The following UBE2D2 variants were observed in gnomAD, a reference collection of about 807,000 sequenced individuals.
UBE2D2 encodes the protein ubiquitin-conjugating enzyme E2 D2.
In UBE2D2, 2 loss-of-function variants were observed where a neutral mutation model predicts 24.2. The observed-to-expected ratio is 0.08, with a 90% CI of 0.03 to 0.26. UBE2D2 has a LOEUF of 0.26. Among genes scored for constraint, UBE2D2 ranks in the 10% least tolerant of loss-of-function variants. The pLI is 1.00. For synonymous variants in UBE2D2, 58 were observed against 56.5 expected (o/e 1.03, Z -0.12); for missense variants, 44 against 177.6 (o/e 0.25, Z 4.28).
intron 2 of UBE2D2, chr5:139,611,997 CA>C (rs1413605147): frequency 6.7e-6 from 1 of 150,238 alleles, no homozygotes; most frequent in Non-Finnish European, 1.5e-5. Flanking sequence ...AAATGTTTCC[CA>C]ATCTTAAGCA....
intron 2 of UBE2D2, among the ~76,000 whole-genome samples, chr5:139,604,675 A>C (rs1754158254): frequency 6.6e-6 from 1 of 152,042 alleles, no homozygotes; most frequent in South Asian, 2.1e-4. Flanking sequence ...ACTTGAGGCC[A>C]GGAGTTTTAT....
chr5:139,612,495 A>G (rs1018801477), intron 2 of UBE2D2: 2 of 152,226 alleles, frequency 1.3e-5, no homozygotes, highest in African/African-American at 2.4e-5. Context: ...GAACACTTAA[A>G]AGCAGTGCTT....
intron 1 of UBE2D2, among the ~76,000 whole-genome samples, chr5:139,580,002 T>C (rs71579519): frequency 6.6e-6 from 1 of 150,850 alleles, no homozygotes; most frequent in African/African-American, 2.4e-5. Context: ...GCTGAGATCA[T>C]GCCGTTGCAC....
At chr5:139,567,762 G>A (rs963857362) in intron 1 of UBE2D2, among the ~76,000 whole-genome samples, 2 of 151,630 alleles carry the variant, frequency 1.3e-5, no homozygotes, top group African/African-American at 2.4e-5. Context: ...TCAAACTCCT[G>A]ACCTCCAGTG....
chr5:139,535,275 T>C (rs1250373024), intron 1 of UBE2D2, among the ~76,000 whole-genome samples: 1 of 141,940 alleles, frequency 7.0e-6, no homozygotes, highest in African/African-American at 2.6e-5. Flanking sequence ...TGAAATCCCG[T>C]CTCTACTAAA....
intron 1 of UBE2D2, among the ~76,000 whole-genome samples, chr5:139,548,170 A>AAAAAAAAAG (rs1752857873): frequency 8.1e-6 from 1 of 123,064 alleles, no homozygotes; most frequent in Non-Finnish European, 1.8e-5. Flanking sequence ...TCTCAAAAAA[A>AAAAAAAAAG]AAAAAAAAAA....
intron 1 of UBE2D2, among the ~76,000 whole-genome samples, chr5:139,548,193 A>T (rs200338652): frequency 0.012 from 563 of 46,670 alleles, 23 homozygotes; most frequent in East Asian, 0.051. Flanking sequence ...ATAAAAAAAA[A>T]AAATAAATAA....
chr5:139,625,072 T>G (rs79655811), intron 6 of UBE2D2, among the ~76,000 whole-genome samples: 1 of 150,766 alleles, frequency 6.6e-6, no homozygotes, highest in Non-Finnish European at 1.5e-5. Context: ...CTTTTTTTTT[T>G]GCAGAGACAG....
intron 2 of UBE2D2, 64 bp downstream of exon 2, chr5:139,600,499 A>G: frequency 6.5e-7 from 1 of 1,546,336 alleles, no homozygotes; most frequent in Non-Finnish European, 8.9e-7. Context: ...TGAAGAAACA[A>G]TTATGGTATA....
At chr5:139,546,817 TCTTCCTTC>T (rs59929319) in intron 1 of UBE2D2, among the ~76,000 whole-genome samples, 51,213 of 137,824 alleles carry the variant, frequency 0.37, 9,909 homozygotes, top group East Asian at 0.45. Context: ...CTTCTTTCTT[TCTTCCTTC>T]CTTCCTTCCT....
upstream of UBE2D2, among the ~76,000 whole-genome samples, chr5:139,560,511 T>C (rs1753051764): frequency 6.6e-6 from 1 of 152,020 alleles, no homozygotes; most frequent in South Asian, 2.1e-4. Context: ...TTTGTATTTT[T>C]AGTAGAGATG....
At chr5:139,553,046 T>G (rs1199802781) in intron 1 of UBE2D2, among the ~76,000 whole-genome samples, 1 of 151,634 alleles carries the variant, frequency 6.6e-6, no homozygotes, top group Non-Finnish European at 1.5e-5. Flanking sequence ...CCAGAACTCC[T>G]GACCTCAGGT....
At chr5:139,568,697 G>T (rs891182732) in intron 1 of UBE2D2, among the ~76,000 whole-genome samples, 3 of 152,114 alleles carry the variant, frequency 2.0e-5, no homozygotes, top group African/African-American at 4.8e-5. Context: ...TGTAGGCCGG[G>T]CGCGGTGACT....
chr5:139,533,682 G>GAAAAT (rs201165970), intron 1 of UBE2D2, among the ~76,000 whole-genome samples: 5,661 of 151,732 alleles, frequency 0.037, 128 homozygotes, highest in Non-Finnish European at 0.058. Flanking sequence ...GAAAAGAAAA[G>GAAAAT]GATTGATAAA....
rs1278675542 is a variant in UBE2D2, at chr5:139,627,601, A to G, written c.*800A>G. 1.3e-5 allele frequency: 2 copies of G among 152,698 alleles called. No individual in the cohort carries two copies. The highest frequency in any genetic ancestry group is 4.8e-5 in the African/African-American group (2 of 41,472). The allele number at this position is 152,698 out of a possible 1,614,324, so 9.5% of individuals were successfully genotyped here. A position where few individuals can be genotyped will look rare whatever the true frequency, so the allele number is the denominator to read the frequency against. The stretch of plus-strand genomic sequence containing the variant: ...ATTCATTTGATGGAAATACTTGTGT[A>G]TATTTAAAGACCCAATTGCTCCTCT... On this transcript the variant is annotated 3_prime_UTR_variant, in exon 7 of 7. Transcript: ENST00000398733.
At chr5:139,535,502 G>A (rs908026261) in intron 1 of UBE2D2, among the ~76,000 whole-genome samples, 25 of 150,654 alleles carry the variant, frequency 1.7e-4, no homozygotes, top group African/African-American at 5.9e-4. Context: ...AGTGGCAGAC[G>A]CCTGTAATCC....
rs184976094 is a variant in UBE2D2 at position 139,579,010 on chromosome 5, C to T, written c.24+17195C>T. On this transcript the variant is annotated intron_variant, in intron 1 of 6. Transcript: ENST00000398733. ...TGAGACGAAGTCTCACTCTGTTGCC[C>T]AGGCTGGAGTGTAGTGGCACAATCT... 7.9e-3 allele frequency among the ~76,000 whole-genome samples: 1,196 copies of T among 152,278 alleles called. 14 individuals are homozygous for T. The highest frequency in any genetic ancestry group is 0.024 in the Middle Eastern group (7 of 294).
At chr5:139,608,017 G>GAA (rs200922337) in intron 2 of UBE2D2, among the ~76,000 whole-genome samples, 13 of 118,708 alleles carry the variant, frequency 1.1e-4, no homozygotes, top group Non-Finnish European at 1.1e-4. Context: ...TGTCTCTTGG[G>GAA]AAAAAAAAAA....
chr5:139,570,767 G>T (rs1279939021), intron 1 of UBE2D2, among the ~76,000 whole-genome samples: 1 of 151,872 alleles, frequency 6.6e-6, no homozygotes, highest in Non-Finnish European at 1.5e-5. Flanking sequence ...CACCTCGGCT[G>T]GTTTGGAACT....
Sources: gnomAD v4.1 joint callset for allele counts (sites outside exome capture counted in the v4.1 genomes callset) on GRCh38, gnomAD v4.1.1 for gene constraint, MANE v1.5 for transcripts, NCBI Gene and HGNC (gene_info 2026-07-23, HGNC 2026-07-21) for gene names.